Variants in SCAPER observed in about 807,000 individuals in gnomAD.
SCAPER encodes the protein S phase cyclin A-associated protein in the endoplasmic reticulum.
In SCAPER, 98 loss-of-function variants were observed where a neutral mutation model predicts 182.2. That is an observed-to-expected ratio of 0.54 (90% confidence interval 0.46 to 0.64). SCAPER has a LOEUF of 0.64. Among genes scored for constraint, SCAPER ranks in the 30% least tolerant of loss-of-function variants. The pLI is 0.00. For missense variants in SCAPER, 1,432 were observed against 1,690.0 expected (o/e 0.85, Z 2.68); for synonymous variants, 605 against 564.6 (o/e 1.07, Z -1.01).
At chr15:76,742,369 C>A (rs2061587907) in intron 15 of SCAPER, among the ~76,000 whole-genome samples, 1 of 66,140 alleles carries the variant, frequency 1.5e-5, no homozygotes. Context: ...GGACCAGGCA[C>A]AAGAATTTAA....
chr15:76,475,698 CA>C (rs1567218268), intron 24 of SCAPER, among the ~76,000 whole-genome samples: 1 of 152,156 alleles, frequency 6.6e-6, no homozygotes, highest in Non-Finnish European at 1.5e-5. Context: ...CAGATAAAAT[CA>C]GAGTTGCTCT....
At chr15:76,768,580 G>A (rs1174932590) in intron 10 of SCAPER, among the ~76,000 whole-genome samples, 2 of 152,108 alleles carry the variant, frequency 1.3e-5, no homozygotes, top group Non-Finnish European at 2.9e-5. Context: ...TTTTTAGAGT[G>A]ATGAAAGAGT....
intron 24 of SCAPER, among the ~76,000 whole-genome samples, chr15:76,503,466 T>G (rs1485016032): frequency 6.6e-6 from 1 of 152,230 alleles, no homozygotes; most frequent in Non-Finnish European, 1.5e-5. Context: ...AAATTATCTT[T>G]AATGTCAAAA....
At chr15:76,890,869 A>T (rs1369357622) in intron 1 of SCAPER, among the ~76,000 whole-genome samples, 1 of 152,222 alleles carries the variant, frequency 6.6e-6, no homozygotes, top group African/African-American at 2.4e-5. Flanking sequence ...CAACAAAAAA[A>T]GAGAATTTTA....
chr15:76,612,796 T>C (rs1440672149), intron 22 of SCAPER, among the ~76,000 whole-genome samples: 1 of 152,122 alleles, frequency 6.6e-6, no homozygotes, highest in Non-Finnish European at 1.5e-5. Context: ...GGAAAAACAC[T>C]CCATGCTCAT....
At chr15:76,591,018 A>G (rs2049062250) in intron 22 of SCAPER, among the ~76,000 whole-genome samples, 1 of 152,230 alleles carries the variant, frequency 6.6e-6, no homozygotes, top group African/African-American at 2.4e-5. Context: ...ACTGATAAAC[A>G]ATGAAGACTC....
At chr15:76,622,285 GA>G (rs1387020374) in intron 21 of SCAPER, among the ~76,000 whole-genome samples, 3 of 150,926 alleles carry the variant, frequency 2.0e-5, no homozygotes, top group Non-Finnish European at 3.0e-5. Flanking sequence ...TCTTTTTGGA[GA>G]AAAAAAAGAG....
At chr15:76,540,534 T>C (rs1471690927) in intron 23 of SCAPER, among the ~76,000 whole-genome samples, 2 of 152,132 alleles carry the variant, frequency 1.3e-5, no homozygotes, top group African/African-American at 4.8e-5. Flanking sequence ...ATTTTTATTT[T>C]TTTAATAAAA....
chr15:76,831,613 T>C (rs1370676546), intron 5 of SCAPER, among the ~76,000 whole-genome samples: 1 of 145,930 alleles, frequency 6.9e-6, no homozygotes, highest in Non-Finnish European at 1.5e-5. Context: ...CGCAATCACC[T>C]GTGGTTGCCC....
At chr15:76,368,497 G>A (rs975782165) in intron 29 of SCAPER, among the ~76,000 whole-genome samples, 1 of 152,234 alleles carries the variant, frequency 6.6e-6, no homozygotes, top group Non-Finnish European at 1.5e-5. Flanking sequence ...GAAAATGCAT[G>A]GCATGCAGCT....
At chr15:76,795,485 A>C (rs1225824213) in intron 7 of SCAPER, 45 bp from the exon 8 acceptor site, 5 of 1,355,300 alleles carry the variant, frequency 3.7e-6, no homozygotes, top group Non-Finnish European at 4.9e-6. Context: ...ATATAAAAGA[A>C]AAACTTCTGA....
chr15:76,746,721 C>T (rs1019804410), intron 15 of SCAPER, among the ~76,000 whole-genome samples: 1 of 152,176 alleles, frequency 6.6e-6, no homozygotes, highest in East Asian at 1.9e-4. Context: ...TGTGTCTACA[C>T]ATTAGCAATG....
intron 2 of SCAPER, among the ~76,000 whole-genome samples, chr15:76,877,957 G>A (rs537914602): frequency 6.6e-6 from 1 of 152,116 alleles, no homozygotes; most frequent in Non-Finnish European, 1.5e-5. Flanking sequence ...TAATTCTTAG[G>A]AAATACATAT....
chr15:76,607,846 G>A (rs1192689557), intron 22 of SCAPER, among the ~76,000 whole-genome samples: 1 of 152,144 alleles, frequency 6.6e-6, no homozygotes, highest in African/African-American at 2.4e-5. Flanking sequence ...CGTAGCTCTT[G>A]TGCCTTGGTT....
intron 25 of SCAPER, among the ~76,000 whole-genome samples, chr15:76,467,221 A>G (rs190635104): frequency 6.6e-6 from 1 of 152,282 alleles, no homozygotes; most frequent in African/African-American, 2.4e-5. Flanking sequence ...AGTTCTTTAT[A>G]GTAGTGTGAA....
chr15:76,878,311 A>G (rs1303854130), intron 2 of SCAPER, among the ~76,000 whole-genome samples: 1 of 152,226 alleles, frequency 6.6e-6, no homozygotes, highest in East Asian at 1.9e-4. Context: ...TAAATCTGGC[A>G]AAAGGATATA....
intron 25 of SCAPER, among the ~76,000 whole-genome samples, chr15:76,452,812 T>A (rs2142856291): frequency 6.6e-6 from 1 of 152,296 alleles, no homozygotes; most frequent in Non-Finnish European, 1.5e-5. Flanking sequence ...TAGCCTCAAC[T>A]ATTAGAATAA....
chr15:76,423,581 C>T (rs1276071698), intron 26 of SCAPER, among the ~76,000 whole-genome samples: 1 of 152,162 alleles, frequency 6.6e-6, no homozygotes, highest in Non-Finnish European at 1.5e-5. Context: ...CTCCTGGATT[C>T]ATTGATTTTT....
intron 29 of SCAPER, among the ~76,000 whole-genome samples, chr15:76,361,949 A>C (rs1324321249): frequency 6.6e-6 from 1 of 152,172 alleles, no homozygotes; most frequent in African/African-American, 2.4e-5. Context: ...AATATTGTAA[A>C]AGGGACTGGA....
Sources: allele counts gnomAD v4.1 joint callset (sites outside exome capture counted in the v4.1 genomes callset), GRCh38; gene constraint gnomAD v4.1.1; transcripts MANE v1.5; gene names NCBI Gene and HGNC (gene_info 2026-07-23, HGNC 2026-07-21).